The following SGCD variants were observed in gnomAD, a reference collection of about 807,000 sequenced individuals.
The protein encoded by SGCD is delta-sarcoglycan.
A neutral mutation model predicts 36.6 loss-of-function variants in SGCD; 18 were observed. The observed-to-expected ratio is 0.49, with a 90% CI of 0.34 to 0.73. SGCD has a LOEUF of 0.73. Among genes scored for constraint, SGCD ranks in the 30% least tolerant of loss-of-function variants. The pLI is 0.01. For synonymous variants in SGCD, 133 were observed against 130.6 expected, an observed-to-expected ratio of 1.02 and a Z score of -0.12; for missense variants, 387 against 346.7, an observed-to-expected ratio of 1.12 and a Z score of -0.92.
chr5:156,412,280 A>G (rs976405916), intron 3 of SGCD, among the ~76,000 whole-genome samples: 1 of 152,240 alleles, frequency 6.6e-6, no homozygotes, highest in Non-Finnish European at 1.5e-5. Context: ...GCCTCAGTTG[A>G]CCAAACTTTC....
chr5:155,796,515 A>G, the SGCD span, among the ~76,000 whole-genome samples: 3 of 152,090 alleles, frequency 2.0e-5, no homozygotes, highest in African/African-American at 4.8e-5. Context: ...TTAAAAATCA[A>G]TGATTCGGCC....
intron 3 of SGCD, among the ~76,000 whole-genome samples, chr5:156,287,399 G>A (rs1320065903): frequency 6.6e-6 from 1 of 152,038 alleles, no homozygotes; most frequent in Non-Finnish European, 1.5e-5. Context: ...AGCTAGAGAG[G>A]GTTGGCCTAG....
intron 1 of SGCD, among the ~76,000 whole-genome samples, chr5:155,941,695 C>T (rs17053030): frequency 0.098 from 14,954 of 151,866 alleles, 846 homozygotes; most frequent in South Asian, 0.17. Flanking sequence ...TACCTCTATG[C>T]TCAATGTCTC....
rs552858815 is a variant in SGCD, at chr5:156,192,665, G to C, written c.-44+68646G>C. ...GAAATGATAAATTCTCAGGGTGATG[G>C]TGATGGTTGCCCTAGGTACCCTGAC... On this transcript the variant is annotated intron_variant, in intron 3 of 9. Coordinates refer to the SGCD transcript ENST00000517913. Among the ~76,000 whole-genome samples the C allele has an allele frequency of 7.9e-5, 12 of 151,884 alleles. No homozygotes were observed. The South Asian group carries it at 2.3e-3, about 29-fold the overall frequency.
At chr5:156,070,678 A>G (rs1333625399) in intron 1 of SGCD, among the ~76,000 whole-genome samples, 7 of 151,870 alleles carry the variant, frequency 4.6e-5, no homozygotes, top group Non-Finnish European at 2.9e-5. Flanking sequence ...CCCTTTTTCT[A>G]TTGATTGGAA....
intron 3 of SGCD, among the ~76,000 whole-genome samples, chr5:156,281,716 A>T (rs1766458298): frequency 6.6e-6 from 1 of 152,202 alleles, no homozygotes. Context: ...GTAGGATGAT[A>T]TGGAGTGTGT....
chr5:156,238,576 G>T (rs894441405), intron 3 of SGCD, among the ~76,000 whole-genome samples: 1 of 152,188 alleles, frequency 6.6e-6, no homozygotes, highest in Non-Finnish European at 1.5e-5. Context: ...CTGAGTGCTC[G>T]AAATGTGGGT....
At chr5:155,790,107 G>A in the SGCD span, among the ~76,000 whole-genome samples, 3 of 151,882 alleles carry the variant, frequency 2.0e-5, no homozygotes, top group East Asian at 1.9e-4. Context: ...AAACAAACCC[G>A]TACAATTCAA....
chr5:156,431,028 A>G (rs1025145810), intron 3 of SGCD, among the ~76,000 whole-genome samples: 6 of 152,120 alleles, frequency 3.9e-5, no homozygotes, highest in African/African-American at 1.2e-4. Flanking sequence ...ATAATACTCA[A>G]TGGTGGGCCA....
chr5:156,112,244 A>G (rs1761805380), intron 1 of SGCD, among the ~76,000 whole-genome samples: 1 of 152,200 alleles, frequency 6.6e-6, no homozygotes, highest in African/African-American at 2.4e-5. Flanking sequence ...CATGAGCATC[A>G]CTTGGCACCA....
At chr5:156,468,891 C>T (rs1212113554) in intron 3 of SGCD, among the ~76,000 whole-genome samples, 1 of 152,140 alleles carries the variant, frequency 6.6e-6, no homozygotes, top group African/African-American at 2.4e-5. Context: ...ACTCAGGAGA[C>T]TGAGGCAGGA....
chr5:156,338,635 G>A (rs1768482848), intron 2 of SGCD, among the ~76,000 whole-genome samples: 1 of 152,020 alleles, frequency 6.6e-6, no homozygotes, highest in South Asian at 2.1e-4. Flanking sequence ...TAATTAGATG[G>A]ACAATGGCTA....
At chr5:156,744,705 G>A (rs1225316084) in intron 7 of SGCD, among the ~76,000 whole-genome samples, 1 of 152,084 alleles carries the variant, frequency 6.6e-6, no homozygotes. Context: ...TTCTCTAATG[G>A]AGCCATGATC....
intron 1 of SGCD, among the ~76,000 whole-genome samples, chr5:155,934,034 T>C (rs1757148919): frequency 6.6e-6 from 1 of 152,196 alleles, no homozygotes; most frequent in Non-Finnish European, 1.5e-5. Flanking sequence ...GTTTTCTGTC[T>C]TTACATGGTA....
At chr5:155,733,303 A>C in the SGCD span, among the ~76,000 whole-genome samples, 23 of 152,154 alleles carry the variant, frequency 1.5e-4, no homozygotes, top group Non-Finnish European at 2.4e-4. Context: ...GCTATCACAC[A>C]CACTCTGTCT....
chr5:156,591,072 A>G (rs553721707), intron 5 of SGCD, among the ~76,000 whole-genome samples: 2 of 152,228 alleles, frequency 1.3e-5, no homozygotes, highest in South Asian at 4.1e-4. Context: ...ACACACATGC[A>G]ACAATACACC....
chr5:156,094,090 C>CA (rs1341396112), intron 1 of SGCD, among the ~76,000 whole-genome samples: 1 of 152,176 alleles, frequency 6.6e-6, no homozygotes, highest in Non-Finnish European at 1.5e-5. Context: ...GGAAGGGCAG[C>CA]AGCCCCTCCT....
At chr5:156,622,527 A>C (rs1762292757) in intron 6 of SGCD, among the ~76,000 whole-genome samples, 1 of 144,862 alleles carries the variant, frequency 6.9e-6, no homozygotes, top group Non-Finnish European at 1.5e-5. Flanking sequence ...GCAAGTCTCC[A>C]TAACAAAGAC....
At chr5:155,923,215 T>G (rs974405335) in intron 1 of SGCD, among the ~76,000 whole-genome samples, 11 of 152,206 alleles carry the variant, frequency 7.2e-5, no homozygotes, top group Non-Finnish European at 1.3e-4. Context: ...GTATGTTACA[T>G]AATACATGAA....
Sources: gnomAD v4.1 joint callset for allele counts (sites outside exome capture counted in the v4.1 genomes callset) on GRCh38, gnomAD v4.1.1 for gene constraint, MANE v1.5 for transcripts, NCBI Gene and HGNC (gene_info 2026-07-23, HGNC 2026-07-21) for gene names.